Variants in BAZ2B observed in about 807,000 individuals in gnomAD.
BAZ2B encodes the protein bromodomain adjacent to zinc finger domain protein 2B.
In BAZ2B, 91 loss-of-function variants were observed where a neutral mutation model predicts 246.0. That is an observed-to-expected ratio of 0.37 (90% CI 0.31 to 0.44). The LOEUF (loss-of-function observed/expected upper bound fraction) is 0.44. BAZ2B is among the 20% of genes least tolerant of loss of function. The pLI, the probability that BAZ2B is intolerant of heterozygous loss-of-function variation, is 1.00. For synonymous variants in BAZ2B, 855 were observed against 860.0 expected (o/e 0.99, Z 0.10); for missense variants, 2,332 against 2,533.7 (o/e 0.92, Z 1.71).
At chr2:159,690,757 T>C in the BAZ2B span, among the ~76,000 whole-genome samples, 2 of 152,168 alleles carry the variant, frequency 1.3e-5, no homozygotes, top group Non-Finnish European at 2.9e-5. Context: ...CAAGTATATA[T>C]GGCTAAATTT....
At chr2:159,600,719 T>C (rs917815826) in intron 1 of BAZ2B, among the ~76,000 whole-genome samples, 1 of 152,098 alleles carries the variant, frequency 6.6e-6, no homozygotes, top group African/African-American at 2.4e-5. Context: ...TATTCAGAAA[T>C]GTCCTAACCC....
At position 159,430,859 on chromosome 2, in the gene BAZ2B, G is replaced by T; in HGVS notation, c.2194+4C>A. 1 of 1,612,002 alleles carries T rather than the reference G, an allele frequency of 6.2e-7. No homozygotes were observed. Among genetic ancestry groups the T allele is most frequent in the Non-Finnish European group, 8.5e-7 (1 of 1,179,044 alleles). ...TTAGAATAATAAAAATAAAGTGTAG[G>T]TACCAGAGTGTGGGCTTGAAGTAAG... On this transcript the variant is annotated splice_donor_region_variant and intron_variant, in intron 10 of 36. Transcript: ENST00000392783.
intron 26 of BAZ2B, among the ~76,000 whole-genome samples, chr2:159,373,498 T>C (rs1408043021): frequency 1.3e-5 from 2 of 152,152 alleles, no homozygotes; most frequent in South Asian, 2.1e-4. Context: ...AGCAAACTGG[T>C]TCAATTCAAT....
chr2:159,496,665 C>T (rs2081189742), intron 2 of BAZ2B, among the ~76,000 whole-genome samples: 1 of 150,416 alleles, frequency 6.6e-6, no homozygotes. Flanking sequence ...GACTGTAATC[C>T]CAACTACTCA....
intron 3 of BAZ2B, among the ~76,000 whole-genome samples, chr2:159,472,080 T>A (rs1399111685): frequency 6.6e-6 from 1 of 152,150 alleles, no homozygotes; most frequent in African/African-American, 2.4e-5. Context: ...TTTCAACTTC[T>A]TTTTAGTGAG....
At chr2:159,696,887 G>A in the BAZ2B span, among the ~76,000 whole-genome samples, 1 of 152,158 alleles carries the variant, frequency 6.6e-6, no homozygotes, top group Non-Finnish European at 1.5e-5. Flanking sequence ...CCGGGTTCAA[G>A]TGACTCTCCA....
chr2:159,707,176 A>G, the BAZ2B span, among the ~76,000 whole-genome samples: 1 of 152,202 alleles, frequency 6.6e-6, no homozygotes, highest in Non-Finnish European at 1.5e-5. Context: ...ATATAATTAA[A>G]TCTAAATTAT....
chr2:159,552,008 A>G (rs1323826535), intron 2 of BAZ2B, among the ~76,000 whole-genome samples: 1 of 152,246 alleles, frequency 6.6e-6, no homozygotes, highest in Non-Finnish European at 1.5e-5. Context: ...CAGAAGTAGC[A>G]GAACACAAAC....
chr2:159,548,453 A>G (rs966593914), intron 2 of BAZ2B, among the ~76,000 whole-genome samples: 1 of 152,184 alleles, frequency 6.6e-6, no homozygotes. Context: ...CTTACAACAC[A>G]CTAGGAAAGA....
intron 1 of BAZ2B, among the ~76,000 whole-genome samples, chr2:159,558,786 A>G (rs992536535): frequency 3.3e-5 from 5 of 152,212 alleles, no homozygotes; most frequent in African/African-American, 1.2e-4. Flanking sequence ...CATAGAAAAT[A>G]CAATGAATAA....
intron 1 of BAZ2B, among the ~76,000 whole-genome samples, chr2:159,570,473 G>A (rs1004992734): frequency 2.0e-5 from 3 of 152,158 alleles, no homozygotes; most frequent in Non-Finnish European, 2.9e-5. Flanking sequence ...AAGCCACTGC[G>A]CCCGGCCTCC....
chr2:159,598,571 C>T (rs1057364588), intron 1 of BAZ2B, among the ~76,000 whole-genome samples: 7 of 152,084 alleles, frequency 4.6e-5, no homozygotes, highest in African/African-American at 9.7e-5. Context: ...TAATTACAGA[C>T]GGGTGTGGTG....
the BAZ2B span, among the ~76,000 whole-genome samples, chr2:159,668,397 T>C: frequency 6.6e-6 from 1 of 152,164 alleles, no homozygotes; most frequent in Non-Finnish European, 1.5e-5. Flanking sequence ...TTTCTAATCC[T>C]TGGGGTAATA....
chr2:159,386,489 T>A lies in BAZ2B; in HGVS notation c.3335A>T (p.Asn1112Ile). ...NFGKVLGFDV[N>I]IDVPNLSVLQ... Reference sequence around the variant, plus strand: ...AACACTCAGGTTTGGAACATCAATATTCACATCAAAGCCCAAAACTTTACC... The same window carrying A: ...AACACTCAGGTTTGGAACATCAATAATCACATCAAAGCCCAAAACTTTACC... The change falls in exon 22 of 37, where the codon AAT (asparagine) becomes ATT (isoleucine). Residue 1112 changes from asparagine (N) to isoleucine (I), a missense_variant. Coordinates refer to ENST00000392783, the MANE Select transcript of BAZ2B (RefSeq NM_013450.4). The A allele has an allele frequency of 6.2e-7, 1 of 1,613,688 alleles. No homozygotes were observed.
intron 3 of BAZ2B, chr2:159,462,591 C>A: frequency 2.3e-6 from 2 of 873,366 alleles, no homozygotes; most frequent in East Asian, 2.4e-5. Flanking sequence ...GCAGTTTGTG[C>A]GTCATTCGAA....
At chr2:159,634,234 T>C in the BAZ2B span, among the ~76,000 whole-genome samples, 6 of 152,358 alleles carry the variant, frequency 3.9e-5, no homozygotes, top group East Asian at 1.2e-3. Context: ...TCTTGTTCTA[T>C]AGCTGCTGCT....
At chr2:159,488,909 C>A (rs961135875) in intron 2 of BAZ2B, among the ~76,000 whole-genome samples, 1 of 151,978 alleles carries the variant, frequency 6.6e-6, no homozygotes, top group Non-Finnish European at 1.5e-5. Context: ...TTTCCAGGTA[C>A]CATTAACCTA....
At chr2:159,321,318 G>A (rs780461773) in intron 36 of BAZ2B, among the ~76,000 whole-genome samples, 16 of 152,050 alleles carry the variant, frequency 1.1e-4, no homozygotes, top group Non-Finnish European at 1.9e-4. Flanking sequence ...GTGTAAATTA[G>A]TACAACCACT....
At chr2:159,538,056 G>T (rs1019633064) in intron 2 of BAZ2B, among the ~76,000 whole-genome samples, 4 of 152,080 alleles carry the variant, frequency 2.6e-5, no homozygotes, top group African/African-American at 9.7e-5. Flanking sequence ...CAGTGCAGTG[G>T]CCCGATCTTG....
Sources: gnomAD v4.1 joint callset for allele counts (sites outside exome capture counted in the v4.1 genomes callset) on GRCh38, gnomAD v4.1.1 for gene constraint, MANE v1.5 for transcripts, NCBI Gene and HGNC (gene_info 2026-07-23, HGNC 2026-07-21) for gene names.